The following LRMDA variants were observed in gnomAD, a reference collection of about 807,000 sequenced individuals.
LRMDA encodes leucine-rich melanocyte differentiation-associated protein.
LRMDA carries 18 observed loss-of-function variants against 29.8 expected under a neutral mutation model. The observed-to-expected ratio is 0.60, with a 90% confidence interval of 0.42 to 0.90. The LOEUF is 0.90. LRMDA is among the 40% of genes least tolerant of loss of function. LRMDA has a pLI of 0.00. For synonymous variants in LRMDA, 125 were observed against 109.4 expected, an observed-to-expected ratio of 1.14 and a Z score of -0.89; for missense variants, 273 against 273.9, an observed-to-expected ratio of 1.00 and a Z score of 0.02.
chr10:76,005,025 C>A (rs546744144), intron 2 of LRMDA, among the ~76,000 whole-genome samples: 1 of 152,156 alleles, frequency 6.6e-6, no homozygotes, highest in East Asian at 1.9e-4. Context: ...CCATGCCTGG[C>A]CTTAAAATTT....
chr10:75,775,516 C>T (rs1018821611), intron 2 of LRMDA, among the ~76,000 whole-genome samples: 10 of 152,194 alleles, frequency 6.6e-5, no homozygotes, highest in African/African-American at 2.4e-4. Flanking sequence ...TGGAAAATTC[C>T]ACTAGTGGTC....
chr10:75,436,443 G>A (rs1844264783), intron 1 of LRMDA, among the ~76,000 whole-genome samples: 1 of 151,956 alleles, frequency 6.6e-6, no homozygotes, highest in African/African-American at 2.4e-5. Context: ...GGTTCATTGT[G>A]AACGTACAAT....
intron 2 of LRMDA, among the ~76,000 whole-genome samples, chr10:75,523,729 T>G (rs1384491649): frequency 6.6e-6 from 1 of 152,206 alleles, no homozygotes; most frequent in Non-Finnish European, 1.5e-5. Context: ...TAATAATACC[T>G]GGGCATCGAA....
At chr10:76,065,986 C>A (rs1396797559) in intron 5 of LRMDA, among the ~76,000 whole-genome samples, 1 of 152,186 alleles carries the variant, frequency 6.6e-6, no homozygotes, top group Non-Finnish European at 1.5e-5. Context: ...CTGCAAACAT[C>A]CCAGCCAACC....
chr10:75,673,735 C>A (rs532296469), intron 2 of LRMDA, among the ~76,000 whole-genome samples: 7 of 152,146 alleles, frequency 4.6e-5, no homozygotes, highest in Non-Finnish European at 1.0e-4. Context: ...TCTAGGGATG[C>A]GACTAGGGGC....
intron 2 of LRMDA, among the ~76,000 whole-genome samples, chr10:75,717,063 A>C (rs115770669): frequency 1.2e-3 from 189 of 151,948 alleles, no homozygotes; most frequent in African/African-American, 4.2e-3. Context: ...CCTGCATGTG[A>C]CTGCCATGTC....
chr10:75,792,044 A>T (rs989673636), intron 2 of LRMDA, among the ~76,000 whole-genome samples: 1 of 151,352 alleles, frequency 6.6e-6, no homozygotes, highest in Admixed American at 6.6e-5. Flanking sequence ...TATTTTTAGT[A>T]GAGATGGGGT....
chr10:75,830,174 T>C (rs1043675661), intron 2 of LRMDA, among the ~76,000 whole-genome samples: 6 of 152,162 alleles, frequency 3.9e-5, no homozygotes, highest in Admixed American at 2.6e-4. Context: ...CTTGAGGGGC[T>C]GTTGTGAGCA....
chr10:75,512,369 T>C (rs113115485), intron 2 of LRMDA, among the ~76,000 whole-genome samples: 10 of 151,908 alleles, frequency 6.6e-5, no homozygotes, highest in African/African-American at 2.4e-4. Flanking sequence ...TTTTTTTTTT[T>C]CCTTCTCCAG....
At chr10:76,292,557 C>T (rs1840354924) in intron 5 of LRMDA, among the ~76,000 whole-genome samples, 1 of 152,068 alleles carries the variant, frequency 6.6e-6, no homozygotes, top group Non-Finnish European at 1.5e-5. Context: ...AATATAATGG[C>T]AAATCTCTGT....
chr10:76,334,239 C>T (rs1247452823), intron 6 of LRMDA, among the ~76,000 whole-genome samples: 2 of 152,182 alleles, frequency 1.3e-5, no homozygotes, highest in Non-Finnish European at 2.9e-5. Context: ...ATTGTTCAGC[C>T]GTGAGCTCGG....
intron 6 of LRMDA, among the ~76,000 whole-genome samples, chr10:76,480,435 G>A (rs535907562): frequency 1.9e-4 from 29 of 151,840 alleles, no homozygotes; most frequent in Admixed American, 3.9e-4. Flanking sequence ...GAATAGTAGA[G>A]CTGGAAGAAA....
intron 5 of LRMDA, among the ~76,000 whole-genome samples, chr10:76,228,346 C>A (rs1036630656): frequency 6.6e-6 from 1 of 152,078 alleles, no homozygotes; most frequent in Admixed American, 6.5e-5. Context: ...TTTTAACCAC[C>A]CAAGGGGTTC....
chr10:76,343,255 A>G (rs1299003531), intron 6 of LRMDA, among the ~76,000 whole-genome samples: 2 of 152,222 alleles, frequency 1.3e-5, no homozygotes, highest in Admixed American at 1.3e-4. Context: ...TTCTTTTGTG[A>G]AGTACATAAG....
chr10:76,189,298 AG>A (rs1851204327), intron 5 of LRMDA, among the ~76,000 whole-genome samples: 1 of 152,310 alleles, frequency 6.6e-6, no homozygotes, highest in East Asian at 1.9e-4. Context: ...CGGAAGTTTC[AG>A]TGAGCTAAGA....
chr10:75,621,217 CA>C (rs1302505151), intron 2 of LRMDA, among the ~76,000 whole-genome samples: 2 of 128,646 alleles, frequency 1.6e-5, no homozygotes, highest in African/African-American at 2.8e-5. Context: ...CACACACACA[CA>C]CACACACCCA....
intron 5 of LRMDA, among the ~76,000 whole-genome samples, chr10:76,148,486 C>G (rs11814698): frequency 6.6e-6 from 1 of 152,136 alleles, no homozygotes; most frequent in South Asian, 2.1e-4. Flanking sequence ...TAGGACCCTC[C>G]GAGCCATGTG....
intron 6 of LRMDA, among the ~76,000 whole-genome samples, chr10:76,357,072 A>G (rs1180308191): frequency 3.3e-5 from 5 of 152,222 alleles, no homozygotes; most frequent in Admixed American, 6.5e-5. Context: ...AAAAATTGGC[A>G]AGGCATAGAA....
At chr10:76,119,482 CT>C (rs1849737427) in intron 5 of LRMDA, among the ~76,000 whole-genome samples, 1 of 152,162 alleles carries the variant, frequency 6.6e-6, no homozygotes, top group South Asian at 2.1e-4. Flanking sequence ...GTATGTCAAG[CT>C]TCCAAGATGT....
Sources: gnomAD v4.1 joint callset for allele counts (sites outside exome capture counted in the v4.1 genomes callset) on GRCh38, gnomAD v4.1.1 for gene constraint, MANE v1.5 for transcripts, NCBI Gene and HGNC (gene_info 2026-07-23, HGNC 2026-07-21) for gene names.